The following DPP10 variants were observed in gnomAD, a reference collection of about 807,000 sequenced individuals.
DPP10 encodes the protein dipeptidyl peptidase like 10.
A neutral mutation model predicts 120.9 loss-of-function variants in DPP10; 33 were observed. The ratio of observed to expected loss-of-function variants is 0.27; its 90% CI spans 0.21 to 0.37. DPP10 has a LOEUF of 0.37. DPP10 is among the 10% of genes least tolerant of loss of function. The pLI, the probability that DPP10 is intolerant of heterozygous loss-of-function variation, is 1.00. For missense variants in DPP10, 816 were observed against 942.8 expected (o/e 0.87, Z 1.76); for synonymous variants, 337 against 326.1 (o/e 1.03, Z -0.36).
intron 1 of DPP10, among the ~76,000 whole-genome samples, chr2:114,834,342 A>AAGCCATGTCTACACACCTATGTATATAT (rs1687436501): frequency 5.7e-5 from 6 of 105,430 alleles, no homozygotes; most frequent in Non-Finnish European, 7.7e-5. Flanking sequence ...TATGTATATA[A>AAGCCATGTCTACACACCTATGTATATAT]AAGACATGTC....
intron 1 of DPP10, among the ~76,000 whole-genome samples, chr2:114,614,081 C>A (rs906827915): frequency 1.3e-5 from 2 of 152,022 alleles, no homozygotes; most frequent in East Asian, 1.9e-4. Context: ...TACATGTGTA[C>A]CTATGTAAAA....
intron 5 of DPP10, among the ~76,000 whole-genome samples, chr2:115,567,590 A>G (rs1036222005): frequency 6.6e-6 from 1 of 150,684 alleles, no homozygotes; most frequent in African/African-American, 2.5e-5. Flanking sequence ...AGGCAAGTGT[A>G]CTCAACCTCT....
intron 3 of DPP10, among the ~76,000 whole-genome samples, chr2:115,387,415 C>T (rs1402774655): frequency 6.6e-6 from 1 of 152,118 alleles, no homozygotes; most frequent in Non-Finnish European, 1.5e-5. Context: ...TCTCAGTAGG[C>T]ATCTGGAAAA....
intron 3 of DPP10, among the ~76,000 whole-genome samples, chr2:115,402,327 C>T (rs540041495): frequency 1.3e-5 from 2 of 152,130 alleles, no homozygotes; most frequent in East Asian, 3.9e-4. Flanking sequence ...AGGGGTGGAC[C>T]ACCTGGGGTC....
At chr2:114,598,070 G>A (rs765032213) in intron 1 of DPP10, among the ~76,000 whole-genome samples, 2 of 151,912 alleles carry the variant, frequency 1.3e-5, no homozygotes, top group Non-Finnish European at 2.9e-5. Context: ...ATTGGGAGCA[G>A]AGGCCACATT....
intron 1 of DPP10, among the ~76,000 whole-genome samples, chr2:115,232,378 G>A (rs1427884139): frequency 1.1e-4 from 16 of 152,254 alleles, no homozygotes; most frequent in East Asian, 1.9e-4. Flanking sequence ...AGCTGGGTAT[G>A]GGGGAGAAGG....
intron 5 of DPP10, among the ~76,000 whole-genome samples, chr2:115,567,643 A>G (rs1575198291): frequency 1.3e-5 from 2 of 152,188 alleles, no homozygotes; most frequent in Admixed American, 6.5e-5. Flanking sequence ...TTTAGCGATT[A>G]CAAACAATGC....
chr2:115,742,971 G>A lies in DPP10; in HGVS notation c.852+3078G>A, dbSNP rs558646810. 5.9e-5 allele frequency among the ~76,000 whole-genome samples: 9 copies of A among 151,408 alleles called. No homozygotes were observed. In the East Asian group the frequency reaches 1.4e-3, roughly 23 times the overall value. On this transcript the variant is annotated intron_variant, in intron 9 of 25. Coordinates refer to ENST00000410059, the MANE Select transcript of DPP10 (RefSeq NM_020868.6). The stretch of plus-strand genomic sequence containing the variant: ...GCAATTCAGCACAAAACAGATGCAC[G>A]GTTCTATCCCAGTAACCTCAGGTTA...
At chr2:115,753,712 G>A (rs1475327930) in intron 11 of DPP10, among the ~76,000 whole-genome samples, 1 of 151,984 alleles carries the variant, frequency 6.6e-6, no homozygotes, top group Non-Finnish European at 1.5e-5. Flanking sequence ...TAAAATAACA[G>A]TGTTTCTGTA....
chr2:115,265,418 G>T (rs908782583), intron 1 of DPP10, among the ~76,000 whole-genome samples: 2 of 151,842 alleles, frequency 1.3e-5, no homozygotes, highest in Non-Finnish European at 2.9e-5. Flanking sequence ...AGGAGACATG[G>T]TTCCCTAGGA....
At chr2:114,799,678 GT>G (rs759938367) in intron 1 of DPP10, among the ~76,000 whole-genome samples, 2 of 152,156 alleles carry the variant, frequency 1.3e-5, no homozygotes, top group Non-Finnish European at 2.9e-5. Context: ...ACTAGTTTTT[GT>G]TTTTACACAG....
chr2:115,654,760 C>A (rs1010840178), intron 5 of DPP10, among the ~76,000 whole-genome samples: 4 of 151,768 alleles, frequency 2.6e-5, no homozygotes, highest in Non-Finnish European at 5.9e-5. Flanking sequence ...CAATCAATAT[C>A]TCTCAGTCTC....
intron 3 of DPP10, among the ~76,000 whole-genome samples, chr2:115,469,884 G>GAA (rs1212190142): frequency 9.8e-4 from 74 of 75,502 alleles, no homozygotes; most frequent in Non-Finnish European, 1.6e-3. Flanking sequence ...GGCAACAAGA[G>GAA]AAAAAAAAAA....
At chr2:115,584,811 A>AAAGTG (rs1297800640) in intron 5 of DPP10, among the ~76,000 whole-genome samples, 1 of 152,208 alleles carries the variant, frequency 6.6e-6, no homozygotes, top group Admixed American at 6.5e-5. Context: ...TACATAAACA[A>AAAGTG]AAGTGATGGG....
intron 3 of DPP10, among the ~76,000 whole-genome samples, chr2:115,486,146 A>G (rs2075763414): frequency 6.6e-6 from 1 of 152,128 alleles, no homozygotes; most frequent in Non-Finnish European, 1.5e-5. Flanking sequence ...ATAAAAAATT[A>G]TTGTCTTTGA....
At chr2:115,384,626 GAGGAAGAAGAAAGA>G (rs1449187649) in intron 3 of DPP10, among the ~76,000 whole-genome samples, 1 of 145,070 alleles carries the variant, frequency 6.9e-6, no homozygotes, top group African/African-American at 2.6e-5. Context: ...GGAAGAAGAA[GAGGAAGAAGAAAGA>G]AGGAAGAAGA....
At chr2:115,036,922 C>T (rs1704262875) in intron 1 of DPP10, among the ~76,000 whole-genome samples, 1 of 152,116 alleles carries the variant, frequency 6.6e-6, no homozygotes, top group Admixed American at 6.6e-5. Flanking sequence ...TCATCACTCA[C>T]TTTTTCAGGC....
intron 1 of DPP10, among the ~76,000 whole-genome samples, chr2:114,662,558 G>A (rs868452509): frequency 6.6e-6 from 1 of 152,122 alleles, no homozygotes; most frequent in Admixed American, 6.5e-5. Context: ...CGGAAATGAA[G>A]AAAGACACTT....
chr2:115,182,951 ACCCACC>A (rs2054175088), intron 1 of DPP10, among the ~76,000 whole-genome samples: 1 of 152,164 alleles, frequency 6.6e-6, no homozygotes, highest in Non-Finnish European at 1.5e-5. Flanking sequence ...TGTGGCATAC[ACCCACC>A]CCATGGACAA....
Sources: allele counts gnomAD v4.1 joint callset (sites outside exome capture counted in the v4.1 genomes callset), GRCh38; gene constraint gnomAD v4.1.1; transcripts MANE v1.5; gene names NCBI Gene and HGNC (gene_info 2026-07-23, HGNC 2026-07-21).